Variants in TSC1 observed in about 807,000 individuals in gnomAD.
TSC1 encodes the protein hamartin.
In TSC1, 20 loss-of-function variants were observed where a neutral mutation model predicts 124.3. That is an observed-to-expected ratio of 0.16 (90% confidence interval 0.11 to 0.23). TSC1 has a LOEUF of 0.23. Ranked by LOEUF, TSC1 falls within the 10% of genes least tolerant of loss-of-function variation. The pLI is 1.00. For synonymous variants in TSC1, 493 were observed against 539.1 expected (o/e 0.91, Z 1.19); for missense variants, 1,124 against 1,448.5 (o/e 0.78, Z 3.64).
chr9:132,917,871 C>T, intron 8 of TSC1, among the ~76,000 whole-genome samples: 1 of 152,178 alleles, frequency 6.6e-6, no homozygotes, highest in East Asian at 1.9e-4. Context: ...CTGATGCTTA[C>T]ATATGCACAA....
At chr9:132,900,058 G>A (rs1480511801) in intron 20 of TSC1, 4 of 154,874 alleles carry the variant, frequency 2.6e-5, no homozygotes, top group Non-Finnish European at 5.7e-5. Flanking sequence ...CTCTACATCC[G>A]GCCGAAAAAG....
At chr9:132,938,653 CA>C (rs1258357526) in intron 1 of TSC1, among the ~76,000 whole-genome samples, 1 of 152,150 alleles carries the variant, frequency 6.6e-6, no homozygotes, top group Non-Finnish European at 1.5e-5. Context: ...CAGCCATGGA[CA>C]GCTGTCATTA....
chr9:132,927,172 T>C (rs1846912744), intron 4 of TSC1, 29 bp downstream of exon 4: 6 of 1,606,184 alleles, frequency 3.7e-6, no homozygotes, highest in South Asian at 2.2e-5. Context: ...GAAGAACATA[T>C]GAAATGCCTA....
intron 12 of TSC1, 56 bp from the exon 13 acceptor site, chr9:132,907,426 G>T: frequency 7.2e-7 from 1 of 1,390,600 alleles, no homozygotes; most frequent in Non-Finnish European, 1.0e-6. Flanking sequence ...ACATGTTCTC[G>T]AGCATATTGT....
intron 2 of TSC1, among the ~76,000 whole-genome samples, chr9:132,932,988 A>C (rs1847278570): frequency 2.0e-5 from 3 of 152,252 alleles, no homozygotes; most frequent in African/African-American, 4.8e-5. Context: ...AAACATGGAA[A>C]GCAGGGATCT....
Position 132,923,765 on chromosome 9 carries a change from T to G in TSC1, c.364-273A>C, listed in dbSNP as rs115432196. 1 of 451,672 alleles carries G rather than the reference T, an allele frequency of 2.2e-6. No individual in the cohort carries two copies. Among genetic ancestry groups the G allele is most frequent in the Non-Finnish European group, 4.1e-6 (1 of 245,970 alleles). 28.0% of individuals were successfully genotyped at this position (451,672 alleles called of 1,614,324 possible). A position where few individuals can be genotyped will look rare whatever the true frequency, so the allele number is the denominator to read the frequency against. On this transcript the variant is annotated intron_variant, in intron 5 of 22. Transcript: ENST00000298552. The surrounding 1 kb of genome is among the most constrained non-coding windows in gnomAD (Gnocchi z 4.2). Reference sequence around the variant, plus strand: ...TCCGGGAGACGAGTTCAAACTTGACTTGGGGACACCCAAGTCCTGCAGCCT... The same window carrying G: ...TCCGGGAGACGAGTTCAAACTTGACGTGGGGACACCCAAGTCCTGCAGCCT...
intron 1 of TSC1, among the ~76,000 whole-genome samples, chr9:132,935,744 C>T (rs1397457431): frequency 2.0e-5 from 3 of 152,164 alleles, no homozygotes; most frequent in Admixed American, 2.0e-4. Context: ...AGTTCCTTGG[C>T]TAAGCCACAT....
chr9:132,937,851 A>C (rs1051316762), intron 1 of TSC1, among the ~76,000 whole-genome samples: 2 of 152,122 alleles, frequency 1.3e-5, no homozygotes, highest in African/African-American at 4.8e-5. Context: ...AGTAGCTGGG[A>C]ATACAGGCAC....
intron 8 of TSC1, among the ~76,000 whole-genome samples, chr9:132,913,917 T>TTTTTTTTA (rs1564491575): frequency 1.0e-5 from 1 of 95,518 alleles, no homozygotes; most frequent in East Asian, 3.4e-4. Context: ...TTTTTTTTTT[T>TTTTTTTTA]AGACAGAGTC....
chr9:132,918,755 A>G (rs909791243), intron 8 of TSC1, among the ~76,000 whole-genome samples: 2 of 152,188 alleles, frequency 1.3e-5, no homozygotes, highest in Admixed American at 6.5e-5. Flanking sequence ...CGACACCACT[A>G]TTTCCAACAG....
In TSC1 at chr9:132,895,718, G is replaced by A. The variant is rs181111365; in HGVS notation, c.*517C>T. On this transcript the variant is annotated 3_prime_UTR_variant, in exon 23 of 23. Transcript: ENST00000298552. ...GAACTTCAGAATCAAAAAAGCAGTC[G>A]GAAAGTCTCATGTAAACGCTTTCAT... The A allele has an allele frequency of 5.4e-5, 13 of 239,646 alleles. No homozygotes were observed. The highest frequency in any genetic ancestry group is 3.0e-4 in the East Asian group (5 of 16,784). 14.8% of individuals were successfully genotyped at this position (239,646 alleles called of 1,614,324 possible).
In TSC1 at chr9:132,910,615, C is replaced by T. The variant is rs769331772; in HGVS notation, c.1219G>A (p.Val407Met). Residue 407 changes from valine (V) to methionine (M), a missense_variant, in exon 12 of 23, where the codon GTG becomes ATG. By Grantham distance (21) the Val-to-Met change is conservative (BLOSUM62 1). Coordinates refer to ENST00000298552, the MANE Select transcript of TSC1 (RefSeq NM_000368.5). The stretch of plus-strand genomic sequence containing the variant: ...GTGGCCTGGGGGAGTGAAATGTGCA[C>T]GTAGTCATCCGAATGACAGAGTGGG... The part of the protein sequence containing the change: ...PAPLCHSDDY[V>M]HISLPQATVT... The T allele has an allele frequency of 6.8e-6, 11 of 1,613,942 alleles. No homozygotes were observed. The highest frequency in any genetic ancestry group is 1.6e-4 in the Middle Eastern group (1 of 6,084).
intron 8 of TSC1, 41 bp from the exon 9 acceptor site, chr9:132,912,498 C>A (rs1846023890): frequency 6.2e-7 from 1 of 1,611,560 alleles, no homozygotes; most frequent in African/African-American, 1.3e-5. Context: ...AAACTGTAAT[C>A]AACTGAATTA....
rs1326803649 is a variant in TSC1, at chr9:132,896,679, C to G, written c.3051G>C (p.Glu1017Asp). Residue 1017 changes from glutamate (E) to aspartate (D), a missense_variant, in exon 23 of 23, where the codon GAG (glutamate) becomes GAC (aspartate). Coordinates refer to ENST00000298552, the MANE Select transcript of TSC1 (RefSeq NM_000368.5). This position sits in a 1 kb window ranked among gnomAD's most constrained non-coding sequence, Gnocchi z 4.5. ...CGCTGCTGGGCCTGGGGGTCTTGGT[C>G]TCACCGTTGTGGCCAGATGCCTCTT... is the stretch of plus-strand genomic sequence containing the variant. The part of the protein sequence containing the change: ...HNEEASGHNG[E>D]TKTPRPSSAR... 6.2e-7 allele frequency: 1 copy of G among 1,614,070 alleles called. No homozygotes were observed. Among genetic ancestry groups the G allele is most frequent in the East Asian group, 2.2e-5 (1 of 44,878 alleles).
intron 8 of TSC1, among the ~76,000 whole-genome samples, chr9:132,914,196 G>A (rs1004327101): frequency 5.3e-5 from 8 of 151,898 alleles, no homozygotes; most frequent in Non-Finnish European, 1.0e-4. Context: ...CACTGTACCC[G>A]GCCAAGAATA....
intron 12 of TSC1, chr9:132,910,329 A>T: frequency 1.5e-5 from 9 of 600,502 alleles, no homozygotes; most frequent in Non-Finnish European, 2.6e-5. Context: ...AAAAATCAAG[A>T]GAGTAGGTTT....
In TSC1 at chr9:132,906,567, A is replaced by G. The variant is rs886557100; in HGVS notation, c.1438+164T>C. The G allele has an allele frequency of 9.8e-6, 6 of 612,734 alleles. No homozygotes were observed. The highest frequency in any genetic ancestry group is 1.7e-5 in the Non-Finnish European group (6 of 349,720). The allele number at this position is 612,734 out of a possible 1,614,324, so 38.0% of individuals were successfully genotyped here. ...CTGTCTCAAAAAAAAAAAAAAAAAA[A>G]GTGGCATCACTTTACCTGGCATAGG... is the stretch of plus-strand genomic sequence containing the variant. On this transcript the variant is annotated intron_variant, in intron 14 of 22. Coordinates refer to ENST00000298552, the MANE Select transcript of TSC1 (RefSeq NM_000368.5). This position sits in a 1 kb window ranked among gnomAD's most constrained non-coding sequence, Gnocchi z 4.1.
At chr9:132,914,363 T>C (rs769369432) in intron 8 of TSC1, among the ~76,000 whole-genome samples, 1 of 152,110 alleles carries the variant, frequency 6.6e-6, no homozygotes, top group Admixed American at 6.5e-5. Flanking sequence ...AGGGATATAT[T>C]TTATAGAATA....
intron 18 of TSC1, 35 bp from the exon 19 acceptor site, chr9:132,901,734 A>C (rs11243931): frequency 1.2e-6 from 2 of 1,603,416 alleles, no homozygotes. Flanking sequence ...AGTTTGAGGA[A>C]CACCAACAGG....
Sources: gnomAD v4.1 joint callset for allele counts (sites outside exome capture counted in the v4.1 genomes callset) on GRCh38, gnomAD v4.1.1 for gene constraint, Gnocchi (gnomAD v3.1) non-coding constraint, MANE v1.5 for transcripts, NCBI Gene and HGNC (gene_info 2026-07-23, HGNC 2026-07-21) for gene names.